The following SEPTIN3 variants were observed in gnomAD, a reference collection of about 807,000 sequenced individuals.
SEPTIN3 encodes the protein septin 3.
In SEPTIN3, 15 loss-of-function variants were observed where a neutral mutation model predicts 45.1. The ratio of observed to expected loss-of-function variants is 0.33; its 90% confidence interval spans 0.22 to 0.51. SEPTIN3 has a LOEUF of 0.51. SEPTIN3 is among the 20% of genes least tolerant of loss of function. The pLI is 0.97. For synonymous variants in SEPTIN3, 148 were observed against 164.8 expected (o/e 0.90, Z 0.78); for missense variants, 289 against 457.2 (o/e 0.63, Z 3.35).
intron 3 of SEPTIN3, among the ~76,000 whole-genome samples, chr22:41,984,013 C>T (rs1014241003): frequency 1.3e-5 from 2 of 152,192 alleles, no homozygotes; most frequent in African/African-American, 4.8e-5. Flanking sequence ...CACCCGTGAG[C>T]CACTTCTCTC....
intron 11 of SEPTIN3, chr22:41,996,616 C>G: frequency 8.5e-7 from 1 of 1,170,570 alleles, no homozygotes. Flanking sequence ...CACAAAGTTA[C>G]AGGGTAGGCA....
intron 1 of SEPTIN3, among the ~76,000 whole-genome samples, chr22:41,970,805 G>T (rs998582134): frequency 6.6e-6 from 1 of 152,160 alleles, no homozygotes; most frequent in Non-Finnish European, 1.5e-5. Flanking sequence ...CTTCAAGGGC[G>T]GGGACCATGG....
chr22:41,978,614 CCA>C, intron 2 of SEPTIN3, among the ~76,000 whole-genome samples: 1 of 152,242 alleles, frequency 6.6e-6, no homozygotes, highest in African/African-American at 2.4e-5. Context: ...GTTCTGTGCC[CCA>C]GAGGTCTTTG....
intron 1 of SEPTIN3, among the ~76,000 whole-genome samples, chr22:41,970,386 C>G (rs989425419): frequency 6.6e-6 from 1 of 152,190 alleles, no homozygotes; most frequent in South Asian, 2.1e-4. Flanking sequence ...GCAGCCTCCT[C>G]CAGCCCCAGC....
chr22:41,988,195 C>A (rs996917287), intron 6 of SEPTIN3, among the ~76,000 whole-genome samples: 4 of 152,026 alleles, frequency 2.6e-5, no homozygotes, highest in African/African-American at 9.7e-5. Flanking sequence ...GGGTAGGGAC[C>A]CAGTTGTAGG....
At chr22:41,975,897 G>C (rs1003336067) in intron 2 of SEPTIN3, among the ~76,000 whole-genome samples, 1 of 152,100 alleles carries the variant, frequency 6.6e-6, no homozygotes, top group African/African-American at 2.4e-5. Context: ...CTTAATATTC[G>C]TCAGTGACTC....
chr22:41,992,544 T>C (rs922382146), intron 8 of SEPTIN3, 120 bp from the exon 9 acceptor site: 5 of 624,260 alleles, frequency 8.0e-6, no homozygotes, highest in African/African-American at 1.9e-5. Flanking sequence ...TATCTCTGAA[T>C]GAGCATCAGA....
intron 4 of SEPTIN3, 123 bp from the exon 5 acceptor site, chr22:41,987,083 A>T (rs974279700): frequency 3.1e-6 from 2 of 649,780 alleles, no homozygotes; most frequent in Non-Finnish European, 5.3e-6. Flanking sequence ...AAGACCCTAA[A>T]TTTGACTTTT....
Position 41,972,433 on chromosome 22 carries a change from G to A in SEPTIN3, c.941G>A (p.Gly314Glu). ...LGTARDLSSV[G>E]TVKSGKTVNL... ...ACAGCCAGAGACTTGTCTTCGGTAG[G>A]GACAGTCAAGTCAGGCAAAACCGTG... is the stretch of plus-strand genomic sequence containing the variant. The change falls in exon 2 of 12, where the codon GGG (glycine) becomes GAG (glutamate). Residue 314 changes from glycine (G) to glutamate (E), a missense_variant. Gly to Glu is a moderately conservative substitution (Grantham distance 98). Coordinates refer to ENST00000644076, the MANE Select transcript of SEPTIN3 (RefSeq NM_001363845.2). The A allele has an allele frequency of 1.0e-5, 4 of 398,884 alleles. No homozygotes were observed. Among genetic ancestry groups the A allele is most frequent in the Non-Finnish European group, 1.8e-5 (4 of 226,048 alleles). 24.7% of individuals were successfully genotyped at this position (398,884 alleles called of 1,614,324 possible). A position where few individuals can be genotyped will look rare whatever the true frequency, so the allele number is the denominator to read the frequency against.
At chr22:41,995,808 G>A in intron 11 of SEPTIN3, 7 of 898,882 alleles carry the variant, frequency 7.8e-6, no homozygotes, top group Non-Finnish European at 9.3e-6. Flanking sequence ...AACACAGTGA[G>A]TTATGCAGTT....
At position 41,974,547 on chromosome 22, in the gene SEPTIN3, C is replaced by T. The variant is rs373023933; in HGVS notation, c.1504+1551C>T. ...GTGTGGTGGTGGGTGCCTGTAGTCC[C>T]AGCTACTTGGGAGGCTGAGGCAGGA... On this transcript the variant is annotated intron_variant, in intron 2 of 11. Coordinates refer to ENST00000644076, the MANE Select transcript of SEPTIN3 (RefSeq NM_001363845.2). Among the ~76,000 whole-genome samples the T allele has an allele frequency of 1.2e-4, 18 of 151,670 alleles. No individual in the cohort carries two copies. In the East Asian group the frequency reaches 2.9e-3, roughly 25 times the overall value.
Position 41,981,815 on chromosome 22 carries a change from G to GA in SEPTIN3, c.1676dup (p.Asp559GlufsTer76). 2 of 1,613,798 alleles carry GA rather than the reference G, an allele frequency of 1.2e-6. No individual in the cohort carries two copies. Among genetic ancestry groups the GA allele is most frequent in the Non-Finnish European group, 1.7e-6 (2 of 1,179,878 alleles). On this transcript the variant is annotated frameshift_variant, in exon 3 of 12. Transcript: ENST00000644076. LOFTEE classifies it high-confidence loss of function. ...CAAGAAGACCATGAAGACCGGTTTC[G>GA]ACTTCAACATCATGGTCGTTGGTAC... is the stretch of plus-strand genomic sequence containing the variant.
chr22:41,994,225 C>T lies in SEPTIN3; in HGVS notation c.2360-65C>T. On this transcript the variant is annotated intron_variant, in intron 9 of 11. Transcript: ENST00000644076. This position sits in a 1 kb window ranked among gnomAD's most constrained non-coding sequence, Gnocchi z 4.2. Reference sequence around the variant, plus strand: ...CCTCCGTGACCCAAACAGAAGCTCACCTCCTGGGTGTTGCTGTATTAATGA... The same window carrying T: ...CCTCCGTGACCCAAACAGAAGCTCATCTCCTGGGTGTTGCTGTATTAATGA... The T allele has an allele frequency of 6.6e-6, 10 of 1,515,684 alleles. No homozygotes were observed. The highest frequency in any genetic ancestry group is 9.1e-6 in the Non-Finnish European group (10 of 1,096,634). 93.9% of individuals were successfully genotyped at this position (1,515,684 alleles called of 1,614,324 possible).
chr22:41,994,742 G>A lies in SEPTIN3; in HGVS notation c.2505+28G>A, dbSNP rs200288550. On this transcript the variant is annotated intron_variant, in intron 11 of 11. Transcript: ENST00000644076. This position sits in a 1 kb window ranked among gnomAD's most constrained non-coding sequence, Gnocchi z 4.2. Reference sequence around the variant, plus strand: ...GAGCGTGGACACAGAGGAAAGCCACGACAGTAACCCATGACGACCACTTCT... The same window carrying A: ...GAGCGTGGACACAGAGGAAAGCCACAACAGTAACCCATGACGACCACTTCT... The A allele has an allele frequency of 1.4e-4, 233 of 1,614,052 alleles. 4 individuals are homozygous for A. The East Asian group carries it at 4.3e-3, about 30-fold the overall frequency.
In SEPTIN3 at chr22:41,994,839, A is replaced by C; in HGVS notation, c.2505+125A>C. ...CACCACCAACCACCTTCTTCCTCTCAACTCTGTCCCACAGGCCTGTCTGGT... is the reference window on the plus strand; with the variant it reads ...CACCACCAACCACCTTCTTCCTCTCCACTCTGTCCCACAGGCCTGTCTGGT... On this transcript the variant is annotated intron_variant, in intron 11 of 11. Coordinates refer to ENST00000644076, the MANE Select transcript of SEPTIN3 (RefSeq NM_001363845.2). The surrounding 1 kb of genome is among the most constrained non-coding windows in gnomAD (Gnocchi z 4.2). 1 of 1,585,304 alleles carries C rather than the reference A, an allele frequency of 6.3e-7. No homozygotes were observed. The highest frequency in any genetic ancestry group is 1.1e-5 in the South Asian group (1 of 88,970).
At chr22:41,995,395 G>A in intron 11 of SEPTIN3, 1 of 985,926 alleles carries the variant, frequency 1.0e-6, no homozygotes, top group Non-Finnish European at 1.2e-6. Flanking sequence ...GTCGTGTTCA[G>A]TGTCACAAAG....
At chr22:41,988,813 A>G (rs2078252032) in intron 6 of SEPTIN3, among the ~76,000 whole-genome samples, 1 of 152,068 alleles carries the variant, frequency 6.6e-6, no homozygotes, top group Non-Finnish European at 1.5e-5. Flanking sequence ...ACCTGTCAAG[A>G]AGTAGTCTGA....
chr22:41,982,145 T>A, intron 3 of SEPTIN3: 1 of 349,276 alleles, frequency 2.9e-6, no homozygotes, highest in South Asian at 4.2e-5. Flanking sequence ...TGTTCTTCCT[T>A]ACCTCTGAGA....
chr22:41,976,283 A>C lies in SEPTIN3; in HGVS notation c.1504+3287A>C, dbSNP rs2078019549. 1 of 152,192 alleles carries C rather than the reference A, an allele frequency of 6.6e-6. No individual in the cohort carries two copies. The highest frequency in any genetic ancestry group is 1.5e-5 in the Non-Finnish European group (1 of 68,114). The allele number at this position is 152,192 out of a possible 1,614,324, so 9.4% of individuals were successfully genotyped here. On this transcript the variant is annotated intron_variant, in intron 2 of 11. Transcript: ENST00000644076. The surrounding 1 kb of genome is among the most constrained non-coding windows in gnomAD (Gnocchi z 5.8). ...TTCCTGTCTCCTCCACTAGACCCAG[A>C]ACCTTCGAGGGGAGGGATGGTTGTC... is the stretch of plus-strand genomic sequence containing the variant.
Sources: gnomAD v4.1 joint callset for allele counts (sites outside exome capture counted in the v4.1 genomes callset) on GRCh38, gnomAD v4.1.1 for gene constraint, Gnocchi (gnomAD v3.1) non-coding constraint, MANE v1.5 for transcripts, NCBI Gene and HGNC (gene_info 2026-07-23, HGNC 2026-07-21) for gene names.